Variants in CCNY observed in about 807,000 individuals in gnomAD.
The protein encoded by CCNY is cyclin Y.
In CCNY, 19 loss-of-function variants were observed where a neutral mutation model predicts 42.8. The ratio of observed to expected loss-of-function variants is 0.44; its 90% confidence interval spans 0.31 to 0.65. CCNY has a LOEUF of 0.65. Among genes scored for constraint, CCNY ranks in the 30% least tolerant of loss-of-function variants. The pLI, the probability that CCNY is intolerant of heterozygous loss-of-function variation, is 0.07. For missense variants in CCNY, 370 were observed against 437.3 expected (o/e 0.85, Z 1.37); for synonymous variants, 165 against 162.7 (o/e 1.01, Z -0.11).
At chr10:35,455,448 T>C (rs559092537) in intron 1 of CCNY, 1 of 152,292 alleles carries the variant, frequency 6.6e-6, no homozygotes, top group Admixed American at 6.5e-5. Flanking sequence ...TGAGCCAGCA[T>C]AGGGAGGCTC....
intron 3 of CCNY, among the ~76,000 whole-genome samples, chr10:35,280,792 A>G (rs1326728171): frequency 1.3e-5 from 2 of 152,192 alleles, no homozygotes; most frequent in East Asian, 3.8e-4. Flanking sequence ...AAAATACACT[A>G]TTGAGAAAGT....
intron 1 of CCNY, among the ~76,000 whole-genome samples, chr10:35,417,636 C>G (rs918008640): frequency 1.3e-5 from 2 of 152,100 alleles, no homozygotes; most frequent in Non-Finnish European, 2.9e-5. Flanking sequence ...AGTTTTAATT[C>G]TAGGGTGTTT....
rs1278555243 is a variant in CCNY, at chr10:35,324,637, C to T, written c.-9+74011C>T. Among the ~76,000 whole-genome samples the T allele has an allele frequency of 1.2e-4, 19 of 152,162 alleles. 1 individual carries two copies. Among genetic ancestry groups the T allele is most frequent in the Admixed American group, 1.2e-3 (19 of 15,244 alleles). On this transcript the variant is annotated intron_variant, in intron 3 of 11. Coordinates refer to the CCNY transcript ENST00000374706. Reference sequence around the variant, plus strand: ...AAGAGCTGAGATGGGGGAAGCATCACTTTAGGCTTTAGTAGTCTAGAGAGG... The same window carrying T: ...AAGAGCTGAGATGGGGGAAGCATCATTTTAGGCTTTAGTAGTCTAGAGAGG...
chr10:35,524,568 A>T (rs1009642477), intron 4 of CCNY, among the ~76,000 whole-genome samples: 23 of 152,206 alleles, frequency 1.5e-4, no homozygotes, highest in Non-Finnish European at 2.6e-4. Flanking sequence ...CCCTGAGAGG[A>T]TCAGAACACC....
intron 3 of CCNY, among the ~76,000 whole-genome samples, chr10:35,294,463 T>G (rs1357820339): frequency 1.3e-5 from 2 of 152,244 alleles, no homozygotes; most frequent in African/African-American, 4.8e-5. Flanking sequence ...GTTTTTATTA[T>G]GAAAGATTGT....
intron 2 of CCNY, among the ~76,000 whole-genome samples, chr10:35,485,970 A>G (rs1278156961): frequency 6.6e-6 from 1 of 152,106 alleles, no homozygotes; most frequent in South Asian, 2.1e-4. Flanking sequence ...ACAGTTCCTC[A>G]TGGCATTTAT....
intron 1 of CCNY, among the ~76,000 whole-genome samples, chr10:35,348,604 G>C (rs116472232): frequency 1.3e-5 from 2 of 152,250 alleles, no homozygotes; most frequent in Non-Finnish European, 2.9e-5. Flanking sequence ...AGGAGCCCCC[G>C]TCCAGGGTGG....
chr10:35,554,349 A>G (rs758183692), intron 8 of CCNY, among the ~76,000 whole-genome samples: 7 of 152,206 alleles, frequency 4.6e-5, no homozygotes, highest in Non-Finnish European at 8.8e-5. Flanking sequence ...GCAGACCTAT[A>G]AAATTTCATC....
chr10:35,388,464 C>T (rs1238805113), intron 1 of CCNY, among the ~76,000 whole-genome samples: 2 of 152,222 alleles, frequency 1.3e-5, no homozygotes, highest in Non-Finnish European at 2.9e-5. Flanking sequence ...GTTCTGGGAG[C>T]AGGCTGGAAA....
intron 1 of CCNY, among the ~76,000 whole-genome samples, chr10:35,470,145 C>A (rs1839361069): frequency 7.1e-6 from 1 of 141,098 alleles, no homozygotes; most frequent in South Asian, 2.3e-4. Context: ...GGAGACAAGG[C>A]AGTGGAGAGA....
chr10:35,309,505 C>G (rs1383856814), intron 3 of CCNY, among the ~76,000 whole-genome samples: 1 of 152,166 alleles, frequency 6.6e-6, no homozygotes, highest in East Asian at 1.9e-4. Context: ...TCTCTGCAGC[C>G]TCGAACTCCT....
At chr10:35,461,379 A>G (rs1839154333) in intron 1 of CCNY, among the ~76,000 whole-genome samples, 1 of 152,150 alleles carries the variant, frequency 6.6e-6, no homozygotes, top group Non-Finnish European at 1.5e-5. Context: ...AATTACTAAG[A>G]GGAAACATCA....
intron 3 of CCNY, among the ~76,000 whole-genome samples, chr10:35,507,639 C>T (rs759139894): frequency 5.9e-5 from 9 of 152,108 alleles, no homozygotes; most frequent in East Asian, 3.9e-4. Context: ...CCGTAATGTC[C>T]GCTACAGCGT....
chr10:35,496,702 A>C (rs918820943), intron 2 of CCNY, among the ~76,000 whole-genome samples: 2 of 152,126 alleles, frequency 1.3e-5, no homozygotes, highest in African/African-American at 4.8e-5. Context: ...AAGAGGAGAA[A>C]CCAAGGTAAT....
intron 1 of CCNY, among the ~76,000 whole-genome samples, chr10:35,353,483 GAGA>G (rs759725213): frequency 1.3e-5 from 2 of 152,182 alleles, no homozygotes; most frequent in Non-Finnish European, 1.5e-5. Context: ...TGTTGAGTAT[GAGA>G]AGAAGATAGC....
chr10:35,343,829 A>G lies in CCNY; in HGVS notation c.154+6622A>G, dbSNP rs374010407. On this transcript the variant is annotated intron_variant, in intron 1 of 9. Coordinates refer to ENST00000374704, the MANE Select transcript of CCNY (RefSeq NM_145012.6). ...CTTTGAAATTCTGTTTTAATCACAT[A>G]GGGTCAGAGATTTAGCTCCAAGTGT... 2.1e-4 allele frequency among the ~76,000 whole-genome samples: 32 copies of G among 152,364 alleles called. 2 individuals are homozygous for G. In the South Asian group the frequency reaches 6.2e-3, roughly 30 times the overall value.
intron 3 of CCNY, among the ~76,000 whole-genome samples, chr10:35,268,019 G>A (rs2095727357): frequency 6.6e-6 from 1 of 151,992 alleles, no homozygotes; most frequent in South Asian, 2.1e-4. Flanking sequence ...GCGCCTCCCA[G>A]GCTCAAGGGA....
At chr10:35,289,766 TG>T (rs895163872) in intron 3 of CCNY, among the ~76,000 whole-genome samples, 4 of 150,966 alleles carry the variant, frequency 2.6e-5, no homozygotes, top group African/African-American at 9.8e-5. Flanking sequence ...TCCAGCTACT[TG>T]GGGATCTGAG....
intron 1 of CCNY, among the ~76,000 whole-genome samples, chr10:35,429,466 A>G (rs1056764139): frequency 6.6e-6 from 1 of 152,248 alleles, no homozygotes; most frequent in East Asian, 1.9e-4. Context: ...GGGGTCTTCA[A>G]TAATTTTGAG....
Sources: allele counts gnomAD v4.1 joint callset (sites outside exome capture counted in the v4.1 genomes callset), GRCh38; gene constraint gnomAD v4.1.1; transcripts MANE v1.5; gene names NCBI Gene and HGNC (gene_info 2026-07-23, HGNC 2026-07-21).